Variants in SLC41A2 observed in about 807,000 individuals in gnomAD.
The protein encoded by SLC41A2 is solute carrier family 41 member 2.
A neutral mutation model predicts 58.3 loss-of-function variants in SLC41A2; 32 were observed. That is an observed-to-expected ratio of 0.55 (90% CI 0.41 to 0.74). The LOEUF (loss-of-function observed/expected upper bound fraction) is 0.74. SLC41A2 is among the 30% of genes least tolerant of loss of function. The probability of loss-of-function intolerance (pLI) is 0.00; values close to 1 mark genes in which losing one functional copy is unlikely to be tolerated. For synonymous variants in SLC41A2, 190 were observed against 235.0 expected (o/e 0.81, Z 1.75); for missense variants, 514 against 680.6 (o/e 0.76, Z 2.72).
Position 104,903,621 on chromosome 12 carries a change from C to T in SLC41A2, c.663+6034G>A, listed in dbSNP as rs188423324. Among the ~76,000 whole-genome samples, 1,159 of 152,368 alleles carry T rather than the reference C, an allele frequency of 7.6e-3. 17 individuals are homozygous for T. The highest frequency in any genetic ancestry group is 0.014 in the South Asian group (67 of 4,832). Reference sequence around the variant, plus strand: ...AGAGCACACTTTGAGAACTACTGATCTAACATACCAACAACAGTCCTGCCT... The same window carrying T: ...AGAGCACACTTTGAGAACTACTGATTTAACATACCAACAACAGTCCTGCCT... On this transcript the variant is annotated intron_variant, in intron 3 of 10. Coordinates refer to ENST00000258538, the MANE Select transcript of SLC41A2 (RefSeq NM_001352171.3).
At chr12:104,840,389 A>T (rs965355038) in intron 10 of SLC41A2, among the ~76,000 whole-genome samples, 2 of 152,182 alleles carry the variant, frequency 1.3e-5, no homozygotes, top group African/African-American at 2.4e-5. Flanking sequence ...TAACATAAAT[A>T]AAAAAATTAT....
intron 1 of SLC41A2, among the ~76,000 whole-genome samples, chr12:104,950,305 C>T (rs559451111): frequency 1.6e-4 from 25 of 152,224 alleles, no homozygotes; most frequent in African/African-American, 5.5e-4. Context: ...GATTCCCCCA[C>T]GCTGTTCTCA....
chr12:104,920,513 A>T (rs1789585192), intron 2 of SLC41A2, among the ~76,000 whole-genome samples: 1 of 151,980 alleles, frequency 6.6e-6, no homozygotes, highest in South Asian at 2.1e-4. Context: ...AACAGAATGG[A>T]TCAAGCAGAA....
chr12:104,840,142 C>T (rs2042359899), intron 10 of SLC41A2, among the ~76,000 whole-genome samples: 1 of 152,142 alleles, frequency 6.6e-6, no homozygotes, highest in South Asian at 2.1e-4. Context: ...AGATTCCCTT[C>T]GTTACATCTT....
chr12:104,873,140 T>C (rs75303026), intron 6 of SLC41A2, among the ~76,000 whole-genome samples: 2,904 of 152,300 alleles, frequency 0.019, 32 homozygotes, highest in African/African-American at 0.036. Context: ...ACTGCAACTT[T>C]GTAGTCTTTG....
intron 8 of SLC41A2, among the ~76,000 whole-genome samples, chr12:104,850,654 A>C (rs2136359969): frequency 6.6e-6 from 1 of 152,368 alleles, no homozygotes; most frequent in African/African-American, 2.4e-5. Context: ...ACCAAAAATG[A>C]AGCAATTTAA....
chr12:104,853,926 T>TTATTTTTATTTTTA (rs2042916495), intron 8 of SLC41A2, among the ~76,000 whole-genome samples: 1 of 118,850 alleles, frequency 8.4e-6, no homozygotes, highest in African/African-American at 3.1e-5. Context: ...TTTTTTTTTT[T>TTATTTTTATTTTTA]TTTTTTTTTT....
chr12:104,845,715 A>T, intron 9 of SLC41A2, 128 bp downstream of exon 9: 1 of 859,834 alleles, frequency 1.2e-6, no homozygotes, highest in Non-Finnish European at 1.7e-6. Flanking sequence ...ATTCACTGGG[A>T]TTAGCTCTCA....
chr12:104,951,402 AAAC>A (rs2047948360), intron 1 of SLC41A2: 1 of 152,222 alleles, frequency 6.6e-6, no homozygotes, highest in Non-Finnish European at 1.5e-5. Context: ...TAAGATACAT[AAAC>A]CCTAACTTAA....
chr12:104,943,646 G>T (rs563029017), intron 1 of SLC41A2, among the ~76,000 whole-genome samples: 4 of 152,284 alleles, frequency 2.6e-5, no homozygotes, highest in African/African-American at 9.6e-5. Flanking sequence ...CCCCAATTCA[G>T]CAGGAAGCAG....
intron 6 of SLC41A2, among the ~76,000 whole-genome samples, chr12:104,872,605 T>C (rs1404569561): frequency 1.3e-5 from 2 of 152,058 alleles, no homozygotes; most frequent in Non-Finnish European, 2.9e-5. Flanking sequence ...TGGTGGTAGG[T>C]GCCTGTAATC....
chr12:104,913,835 G>A (rs1423305269), intron 2 of SLC41A2, among the ~76,000 whole-genome samples: 1 of 152,190 alleles, frequency 6.6e-6, no homozygotes, highest in Non-Finnish European at 1.5e-5. Context: ...ACTCTGGAAG[G>A]CCGAGGCAGA....
intron 10 of SLC41A2, among the ~76,000 whole-genome samples, chr12:104,844,212 A>G (rs982409967): frequency 1.1e-4 from 17 of 152,204 alleles, no homozygotes; most frequent in Admixed American, 3.9e-4. Context: ...GCTCCATGGG[A>G]AAGAAAATAT....
rs183231135 is a variant in SLC41A2, at chr12:104,839,566, T to A, written c.1536+4906A>T. Among the ~76,000 whole-genome samples the A allele has an allele frequency of 6.6e-5, 10 of 151,804 alleles. No individual in the cohort carries two copies. The East Asian group carries it at 1.9e-3, about 29-fold the overall frequency. ...TCACCCAGGCTGGAGTGCAGTGGTGTGATCTTGGCTCACTGCAAGCTCTGC... is the reference window on the plus strand; with the variant it reads ...TCACCCAGGCTGGAGTGCAGTGGTGAGATCTTGGCTCACTGCAAGCTCTGC... On this transcript the variant is annotated intron_variant, in intron 10 of 10. Transcript: ENST00000258538.
chr12:104,890,571 C>G (rs972077113), intron 4 of SLC41A2, among the ~76,000 whole-genome samples: 3 of 152,024 alleles, frequency 2.0e-5, no homozygotes, highest in Admixed American at 1.3e-4. Context: ...AAGCACACAG[C>G]TGAGATGAGG....
chr12:104,809,598 G>A (rs2041083962), intron 10 of SLC41A2, among the ~76,000 whole-genome samples: 1 of 152,168 alleles, frequency 6.6e-6, no homozygotes, highest in Non-Finnish European at 1.5e-5. Flanking sequence ...GGGTATGGAG[G>A]AAGCATGAAA....
At position 104,928,642 on chromosome 12, in the gene SLC41A2, G is replaced by T; in HGVS notation, c.-115C>A. 1.9e-6 allele frequency: 1 copy of T among 517,310 alleles called. No homozygotes were observed. The highest frequency in any genetic ancestry group is 3.1e-6 in the Non-Finnish European group (1 of 319,238). 32.0% of individuals were successfully genotyped at this position (517,310 alleles called of 1,614,324 possible). The stretch of plus-strand genomic sequence containing the variant: ...ATTAAGTTGTTGACTTCATTGTGTA[G>T]AAAATATTTCCACTAATAAAAGATG... On this transcript the variant is annotated 5_prime_UTR_variant, in exon 2 of 11. Coordinates refer to ENST00000258538, the MANE Select transcript of SLC41A2 (RefSeq NM_001352171.3).
At chr12:104,932,776 T>C (rs982668848) in intron 1 of SLC41A2, among the ~76,000 whole-genome samples, 14 of 151,242 alleles carry the variant, frequency 9.3e-5, no homozygotes, top group Non-Finnish European at 1.2e-4. Flanking sequence ...AAAACATAAA[T>C]TGGGAAAAGG....
chr12:104,867,223 T>G (rs1387761777), intron 6 of SLC41A2, among the ~76,000 whole-genome samples: 6 of 152,122 alleles, frequency 3.9e-5, no homozygotes, highest in Non-Finnish European at 8.8e-5. Flanking sequence ...AATTCATATT[T>G]AATTCTAAAT....
Sources: allele counts gnomAD v4.1 joint callset (sites outside exome capture counted in the v4.1 genomes callset), GRCh38; gene constraint gnomAD v4.1.1; transcripts MANE v1.5; gene names NCBI Gene and HGNC (gene_info 2026-07-23, HGNC 2026-07-21).